Variants in DGKI observed in about 807,000 individuals in gnomAD.
DGKI encodes diacylglycerol kinase iota.
DGKI carries 55 observed loss-of-function variants against 147.5 expected under a neutral mutation model. That is an observed-to-expected ratio of 0.37 (90% CI 0.30 to 0.47). The LOEUF is 0.47. DGKI is among the 20% of genes least tolerant of loss of function. The pLI, the probability that DGKI is intolerant of heterozygous loss-of-function variation, is 1.00. For missense variants in DGKI, 1,007 were observed against 1,323.8 expected (o/e 0.76, Z 3.71); for synonymous variants, 469 against 477.1 (o/e 0.98, Z 0.22).
intron 19 of DGKI, among the ~76,000 whole-genome samples, chr7:137,557,512 T>C (rs1818265997): frequency 6.6e-6 from 1 of 152,138 alleles, no homozygotes; most frequent in Admixed American, 6.5e-5. Flanking sequence ...TTTCCCACTA[T>C]ATAGAGAAAA....
intron 23 of DGKI, among the ~76,000 whole-genome samples, chr7:137,476,206 C>T (rs1375404373): frequency 6.6e-6 from 1 of 152,190 alleles, no homozygotes; most frequent in Non-Finnish European, 1.5e-5. Flanking sequence ...TAGTCTTCCA[C>T]CTACAGCTTC....
At chr7:137,817,152 T>C (rs1227791502) in intron 1 of DGKI, among the ~76,000 whole-genome samples, 1 of 152,216 alleles carries the variant, frequency 6.6e-6, no homozygotes, top group African/African-American at 2.4e-5. Context: ...TGGCCATACC[T>C]GTGCTTATGC....
chr7:137,772,523 G>A (rs1796235803), intron 1 of DGKI, among the ~76,000 whole-genome samples: 1 of 152,116 alleles, frequency 6.6e-6, no homozygotes, highest in South Asian at 2.1e-4. Flanking sequence ...AAGAAAGCTT[G>A]CAGAATGGTT....
Position 137,645,444 on chromosome 7 carries a change from C to CGAG in DGKI, c.804+25_804+27dup, listed in dbSNP as rs1563129655. 4 of 1,606,366 alleles carry CGAG rather than the reference C, an allele frequency of 2.5e-6. No individual in the cohort carries two copies. The South Asian group carries it at 4.4e-5, about 18-fold the overall frequency. On this transcript the variant is annotated intron_variant, in intron 6 of 32. Transcript: ENST00000614521. ...TTGCAGAGGCCTGGGGAGCCTCCTG[C>CGAG]GAGGCCATGAGGTGGCTGGGCTCTT...
chr7:137,445,247 G>A (rs1241921037), intron 27 of DGKI, among the ~76,000 whole-genome samples: 12 of 152,176 alleles, frequency 7.9e-5, no homozygotes, highest in Admixed American at 7.2e-4. Flanking sequence ...GAACAGTAAA[G>A]AATAAAGACA....
chr7:137,780,742 TAG>T, intron 1 of DGKI, among the ~76,000 whole-genome samples: 1 of 152,212 alleles, frequency 6.6e-6, no homozygotes. Context: ...TTAAAAGAGC[TAG>T]ACGTTTTGCA....
At chr7:137,463,355 C>T in intron 27 of DGKI, 134 bp downstream of exon 27, 1 of 1,260,482 alleles carries the variant, frequency 7.9e-7, no homozygotes, top group Non-Finnish European at 1.1e-6. Context: ...AATGAAAACA[C>T]AGAGTAGCAC....
chr7:137,751,912 CATG>C (rs1323090459), intron 1 of DGKI, among the ~76,000 whole-genome samples: 3 of 152,094 alleles, frequency 2.0e-5, no homozygotes, highest in Non-Finnish European at 4.4e-5. Flanking sequence ...ATAATAATAA[CATG>C]ATAATAACAA....
rs536639387 is a variant in DGKI, at chr7:137,711,726, G to A, written c.402-21724C>T. Among the ~76,000 whole-genome samples, 77 of 121,276 alleles carry A rather than the reference G, an allele frequency of 6.3e-4. No individual in the cohort carries two copies. In the South Asian group the frequency reaches 0.012, roughly 19 times the overall value. 79.6% of individuals were successfully genotyped at this position (121,276 alleles called of 152,430 possible). Reference sequence around the variant, plus strand: ...TTTTTTTTTTTTAAGACGGAGTCTCGCTCTGTCACCTGGCTGGAGTGCAGT... The same window carrying A: ...TTTTTTTTTTTTAAGACGGAGTCTCACTCTGTCACCTGGCTGGAGTGCAGT... On this transcript the variant is annotated intron_variant, in intron 1 of 32. Coordinates refer to ENST00000614521, the MANE Select transcript of DGKI (RefSeq NM_001321708.2).
At chr7:137,541,251 G>A (rs767091579) in intron 20 of DGKI, among the ~76,000 whole-genome samples, 7 of 152,188 alleles carry the variant, frequency 4.6e-5, no homozygotes, top group African/African-American at 7.2e-5. Context: ...GTGCGTATAC[G>A]TGTGTGCATG....
At chr7:137,679,205 C>CTGCTAATTCACATCT (rs987899099) in intron 2 of DGKI, among the ~76,000 whole-genome samples, 5 of 152,210 alleles carry the variant, frequency 3.3e-5, no homozygotes, top group African/African-American at 1.2e-4. Context: ...TAATACGTTT[C>CTGCTAATTCACATCT]TGCTAATTCA....
chr7:137,451,312 TAATA>T (rs1162930796), intron 27 of DGKI, among the ~76,000 whole-genome samples: 1 of 152,154 alleles, frequency 6.6e-6, no homozygotes, highest in Non-Finnish European at 1.5e-5. Flanking sequence ...TTTATTAGAT[TAATA>T]TATAGAGATA....
intron 28 of DGKI, among the ~76,000 whole-genome samples, chr7:137,417,907 G>A (rs1404281015): frequency 6.6e-6 from 1 of 152,176 alleles, no homozygotes; most frequent in Non-Finnish European, 1.5e-5. Context: ...CTAGCACCTT[G>A]ATCTTGGTCT....
rs1300103775 is a variant in DGKI, at chr7:137,767,518, AAGAGAAGAGAAGAGT to A, written c.402-77531_402-77517del. Among the ~76,000 whole-genome samples the A allele has an allele frequency of 1.4e-3, 206 of 149,690 alleles. 6 individuals carry two copies. The highest frequency in any genetic ancestry group is 4.5e-3 in the African/African-American group (182 of 40,020). Reference sequence around the variant, plus strand: ...AAGAGAAGAGAAGAGAAGAGAAGAGAAGAGAAGAGAAGAGTAGAGTAGGAGGAAGAGGAAGAGAAG... The same window carrying A: ...AAGAGAAGAGAAGAGAAGAGAAGAGAAGAGTAGGAGGAAGAGGAAGAGAAG... On this transcript the variant is annotated intron_variant, in intron 1 of 32. Coordinates refer to ENST00000614521, the MANE Select transcript of DGKI (RefSeq NM_001321708.2).
intron 1 of DGKI, among the ~76,000 whole-genome samples, chr7:137,760,886 C>T (rs1795839141): frequency 6.6e-6 from 1 of 152,184 alleles, no homozygotes; most frequent in Non-Finnish European, 1.5e-5. Context: ...ACATTTCCAT[C>T]TCTAGTCCAG....
intron 23 of DGKI, among the ~76,000 whole-genome samples, chr7:137,475,765 G>A (rs924126814): frequency 6.6e-6 from 1 of 152,142 alleles, no homozygotes; most frequent in Non-Finnish European, 1.5e-5. Flanking sequence ...CTGTAAGTCT[G>A]ATTTACCAAG....
At chr7:137,670,678 G>A (rs1253705245) in intron 3 of DGKI, among the ~76,000 whole-genome samples, 1 of 152,194 alleles carries the variant, frequency 6.6e-6, no homozygotes, top group Non-Finnish European at 1.5e-5. Flanking sequence ...TCCTAATGGT[G>A]AAAAAGGCCC....
intron 1 of DGKI, among the ~76,000 whole-genome samples, chr7:137,807,240 T>A (rs568036378): frequency 1.3e-5 from 2 of 152,350 alleles, no homozygotes; most frequent in Non-Finnish European, 1.5e-5. Flanking sequence ...GACTTTTTAA[T>A]ATAAGGCATT....
At chr7:137,597,272 C>T (rs554797015) in intron 12 of DGKI, among the ~76,000 whole-genome samples, 26 of 152,130 alleles carry the variant, frequency 1.7e-4, no homozygotes, top group African/African-American at 5.8e-4. Context: ...GAAATGATAG[C>T]CTAGGTAATG....
Sources: allele counts gnomAD v4.1 joint callset (sites outside exome capture counted in the v4.1 genomes callset), GRCh38; gene constraint gnomAD v4.1.1; transcripts MANE v1.5; gene names NCBI Gene and HGNC (gene_info 2026-07-23, HGNC 2026-07-21).